The following NDRG4 variants were observed in gnomAD, a reference collection of about 807,000 sequenced individuals.
NDRG4 encodes the protein protein NDRG4.
Under a neutral mutation model 55.8 loss-of-function variants are expected in NDRG4, and 38 were observed. The observed-to-expected ratio is 0.68, with a 90% CI of 0.53 to 0.89. The LOEUF is 0.89. Ranked by LOEUF, NDRG4 falls within the 40% of genes least tolerant of loss-of-function variation. The pLI is 0.00. For synonymous variants in NDRG4, 190 were observed against 182.7 expected (o/e 1.04, Z -0.32); for missense variants, 455 against 468.6 (o/e 0.97, Z 0.27).
chr16:58,465,299 A>G (rs2031375768), intron 1 of NDRG4: 1 of 450,024 alleles, frequency 2.2e-6, no homozygotes, highest in East Asian at 7.3e-5. Context: ...TTAATGTCCG[A>G]TGAGGGAGCA....
chr16:58,504,048 C>T (rs185692226), intron 2 of NDRG4, 106 bp from the exon 3 acceptor site: 285 of 1,582,124 alleles, frequency 1.8e-4, no homozygotes, highest in African/African-American at 4.2e-4. Flanking sequence ...ATTTCCCCGA[C>T]GGACCCGAGG....
intron 2 of NDRG4, among the ~76,000 whole-genome samples, chr16:58,491,913 C>G (rs1401118240): frequency 6.6e-6 from 1 of 152,176 alleles, no homozygotes; most frequent in East Asian, 1.9e-4. Context: ...TCCTGAGTAG[C>G]TGGGACTACA....
At chr16:58,487,664 T>TCCGCGCTCCCG in intron 1 of NDRG4, 2 of 1,041,804 alleles carry the variant, frequency 1.9e-6, no homozygotes, top group South Asian at 3.3e-5. Context: ...GCATCTGGTT[T>TCCGCGCTCCCG]CCGCGCTCCC....
chr16:58,488,827 A>C (rs1044583848), intron 2 of NDRG4, among the ~76,000 whole-genome samples: 2 of 152,184 alleles, frequency 1.3e-5, no homozygotes, highest in Non-Finnish European at 2.9e-5. Flanking sequence ...GGCCTGGCTT[A>C]TCCGAGGGCA....
chr16:58,505,713 C>CTTTTTTTTTTTTTTTTTTTTTT (rs1028370131), intron 5 of NDRG4, among the ~76,000 whole-genome samples: 19 of 58,658 alleles, frequency 3.2e-4, no homozygotes, highest in African/African-American at 1.4e-3. Flanking sequence ...GCTTCATTTT[C>CTTTTTTTTTTTTTTTTTTTTTT]TTTTTTTTTT....
At chr16:58,489,445 C>T (rs139508047) in intron 2 of NDRG4, among the ~76,000 whole-genome samples, 1 of 151,830 alleles carries the variant, frequency 6.6e-6, no homozygotes, top group African/African-American at 2.4e-5. Flanking sequence ...AGTACATCTG[C>T]TTGGGATACA....
chr16:58,487,391 G>A (rs954250470), intron 1 of NDRG4, among the ~76,000 whole-genome samples: 3 of 152,108 alleles, frequency 2.0e-5, no homozygotes, highest in East Asian at 1.9e-4. Flanking sequence ...GTGGTGGTGT[G>A]CACCTGTAAT....
Position 58,511,301 on chromosome 16 carries a change from AG to A in NDRG4, c.905-119del, listed in dbSNP as rs1297163239. 2.6e-6 allele frequency: 3 copies of A among 1,152,682 alleles called. No individual in the cohort carries two copies. The African/African-American group carries it at 4.7e-5, about 18-fold the overall frequency. The allele number at this position is 1,152,682 out of a possible 1,614,324, so 71.4% of individuals were successfully genotyped here. A position where few individuals can be genotyped will look rare whatever the true frequency, so the allele number is the denominator to read the frequency against. ...GCTGTCGCCAGCCTCCTGACTCAGG[AG>A]GAGCCCTTTGTGCCTTCGAGGAACG... is the stretch of plus-strand genomic sequence containing the variant. On this transcript the variant is annotated intron_variant, in intron 14 of 14. Coordinates refer to ENST00000570248, the MANE Select transcript of NDRG4 (RefSeq NM_001242835.2).
intron 5 of NDRG4, among the ~76,000 whole-genome samples, chr16:58,505,168 T>G (rs1003903428): frequency 1.3e-5 from 2 of 151,956 alleles, no homozygotes; most frequent in Non-Finnish European, 2.9e-5. Context: ...GCTAACACGG[T>G]GAAACCCAGT....
At chr16:58,476,325 G>T (rs1008230654) in intron 1 of NDRG4, among the ~76,000 whole-genome samples, 6 of 152,178 alleles carry the variant, frequency 3.9e-5, no homozygotes, top group Admixed American at 2.0e-4. Flanking sequence ...CTGCCTAAAT[G>T]GAATGTGTTA....
chr16:58,477,329 T>A (rs1316365137), intron 1 of NDRG4, among the ~76,000 whole-genome samples: 1 of 152,080 alleles, frequency 6.6e-6, no homozygotes, highest in East Asian at 1.9e-4. Context: ...TAGGTCTCCT[T>A]GGAGAAATGG....
chr16:58,464,261 G>T lies in NDRG4; in HGVS notation c.-24+464G>T. 2.1e-6 allele frequency: 1 copy of T among 474,480 alleles called. No homozygotes were observed. Among genetic ancestry groups the T allele is most frequent in the Non-Finnish European group, 3.5e-6 (1 of 288,796 alleles). The allele number at this position is 474,480 out of a possible 1,614,324, so 29.4% of individuals were successfully genotyped here. ...TTTTTTTAAACCGTTTTGGAGGGGG[G>T]AGCGCGGCGTTGGGGGCGGGAGAGC... On this transcript the variant is annotated intron_variant, in intron 1 of 15. Coordinates refer to the NDRG4 transcript ENST00000258187. The surrounding 1 kb of genome is among the most constrained non-coding windows in gnomAD (Gnocchi z 4.8).
intron 1 of NDRG4, chr16:58,502,028 C>T: frequency 2.2e-6 from 1 of 455,936 alleles, no homozygotes; most frequent in Non-Finnish European, 4.4e-6. Context: ...GCTGCCTGGT[C>T]AGGAGCTCCC....
chr16:58,512,188 A>C lies in NDRG4; in HGVS notation c.*612A>C, dbSNP rs757293971. ...AGGGGTTTCTCTGCCCAAGGAAGAC[A>C]GAACATGGAGAACCGTCAGGGCAGG... is the stretch of plus-strand genomic sequence containing the variant. On this transcript the variant is annotated 3_prime_UTR_variant, in exon 15 of 15. Coordinates refer to ENST00000570248, the MANE Select transcript of NDRG4 (RefSeq NM_001242835.2). 4.3e-5 allele frequency: 19 copies of C among 438,988 alleles called. 1 individual carries two copies. The highest frequency in any genetic ancestry group is 5.9e-5 in the Non-Finnish European group (13 of 219,048). The allele number at this position is 438,988 out of a possible 1,614,324, so 27.2% of individuals were successfully genotyped here.
rs2151780777 is a variant in NDRG4 at position 58,501,594 on chromosome 16, C to A, written c.21+1325C>A. On this transcript the variant is annotated intron_variant, in intron 1 of 14. Coordinates refer to ENST00000570248, the MANE Select transcript of NDRG4 (RefSeq NM_001242835.2). Reference sequence around the variant, plus strand: ...TGGCTTCGATCAGGCTGAACTGAGTCCTGAGCTCTCCGCAGAGGGTGAGAG... The same window carrying A: ...TGGCTTCGATCAGGCTGAACTGAGTACTGAGCTCTCCGCAGAGGGTGAGAG... 3 of 188,090 alleles carry A rather than the reference C, an allele frequency of 1.6e-5. No homozygotes were observed. In the South Asian group the frequency reaches 3.2e-4, roughly 20 times the overall value. 11.7% of individuals were successfully genotyped at this position (188,090 alleles called of 1,614,324 possible).
At chr16:58,476,833 T>C (rs1233113635) in intron 1 of NDRG4, among the ~76,000 whole-genome samples, 2 of 152,180 alleles carry the variant, frequency 1.3e-5, no homozygotes, top group Non-Finnish European at 2.9e-5. Context: ...TTTACAAAAG[T>C]GATAGATGCT....
chr16:58,504,167 C>A lies in NDRG4; in HGVS notation c.141C>A (p.Phe47Leu), dbSNP rs778828518. 1 of 1,614,226 alleles carries A rather than the reference C, an allele frequency of 6.2e-7. No homozygotes were observed. The highest frequency in any genetic ancestry group is 1.1e-5 in the South Asian group (1 of 91,086). The change falls in exon 3 of 15, where the codon TTC becomes TTA. Residue 47 changes from phenylalanine (F) to leucine (L), a missense_variant. Coordinates refer to ENST00000570248, the MANE Select transcript of NDRG4 (RefSeq NM_001242835.2). Reference sequence around the variant, plus strand: ...GTGTCTTTGCAGACAAACTATGCTTCAACACCTTCTTCAACTTCGAGGACA... The same window carrying A: ...GTGTCTTTGCAGACAAACTATGCTTAAACACCTTCTTCAACTTCGAGGACA... ...HDVGLNHKLC[F>L]NTFFNFEDMQ...
At chr16:58,492,826 G>C (rs538755983) in intron 2 of NDRG4, among the ~76,000 whole-genome samples, 12 of 152,036 alleles carry the variant, frequency 7.9e-5, no homozygotes, top group Non-Finnish European at 7.4e-5. Flanking sequence ...GCCCGCTTGT[G>C]CAAGGTCTTT....
At position 58,500,288 on chromosome 16, in the gene NDRG4, G is replaced by T. The variant is rs745386043; in HGVS notation, c.21+19G>T. ...GGATGGGGTGAGTGAGGGCGCTGCG[G>T]GCATCAAGGTGGGCCGGGAGGATGG... On this transcript the variant is annotated intron_variant, in intron 1 of 14. Coordinates refer to ENST00000570248, the MANE Select transcript of NDRG4 (RefSeq NM_001242835.2). The T allele has an allele frequency of 1.6e-5, 25 of 1,535,518 alleles. No homozygotes were observed. The highest frequency in any genetic ancestry group is 2.2e-5 in the Non-Finnish European group (25 of 1,146,792).
Sources: gnomAD v4.1 joint callset for allele counts (sites outside exome capture counted in the v4.1 genomes callset) on GRCh38, gnomAD v4.1.1 for gene constraint, Gnocchi (gnomAD v3.1) non-coding constraint, MANE v1.5 for transcripts, NCBI Gene and HGNC (gene_info 2026-07-23, HGNC 2026-07-21) for gene names.